The following LDAH variants were observed in gnomAD, a reference collection of about 807,000 sequenced individuals.
LDAH encodes the protein lipid droplet-associated hydrolase.
LDAH carries 26 observed loss-of-function variants against 29.6 expected under a neutral mutation model. The observed-to-expected ratio is 0.88, with a 90% CI of 0.64 to 1.22. The LOEUF is 1.22. Among genes scored for constraint, LDAH ranks in the 50% most tolerant of loss-of-function variants. LDAH has a pLI of 0.00. For missense variants in LDAH, 344 were observed against 387.3 expected, an observed-to-expected ratio of 0.89 and a Z score of 0.94; for synonymous variants, 117 against 133.0, an observed-to-expected ratio of 0.88 and a Z score of 0.83.
intron 1 of LDAH, among the ~76,000 whole-genome samples, chr2:20,801,808 T>C (rs1389656231): frequency 6.6e-6 from 1 of 152,088 alleles, no homozygotes; most frequent in African/African-American, 2.4e-5. Flanking sequence ...TACCTTCACC[T>C]GGTGAGAAAG....
At chr2:20,794,194 T>G (rs1459090666) in intron 2 of LDAH, among the ~76,000 whole-genome samples, 1 of 152,104 alleles carries the variant, frequency 6.6e-6, no homozygotes, top group African/African-American at 2.4e-5. Context: ...CTCCTCTTTA[T>G]AAAACCATCA....
chr2:20,710,582 A>AGG lies in LDAH; in HGVS notation c.704-8932_704-8931dup, dbSNP rs1209852954. 7.7e-3 allele frequency among the ~76,000 whole-genome samples: 986 copies of AGG among 127,918 alleles called. 15 individuals carry two copies. Among genetic ancestry groups the AGG allele is most frequent in the African/African-American group, 0.027 (957 of 34,908 alleles). The allele number at this position is 127,918 out of a possible 152,430, so 83.9% of individuals were successfully genotyped here. On this transcript the variant is annotated intron_variant, in intron 5 of 6. Transcript: ENST00000237822. ...GACTCACCCCGGACTATATATATAT[A>AGG]GGGGTGTGTGTGTGTGTGTGTGTGT...
At chr2:20,805,196 C>A (rs555966276) in intron 1 of LDAH, among the ~76,000 whole-genome samples, 10 of 152,150 alleles carry the variant, frequency 6.6e-5, no homozygotes, top group Non-Finnish European at 1.5e-4. Flanking sequence ...AGTGAGAATT[C>A]AACTAGATAT....
intron 4 of LDAH, among the ~76,000 whole-genome samples, chr2:20,752,621 G>A (rs918046853): frequency 1.4e-5 from 2 of 147,612 alleles, no homozygotes; most frequent in African/African-American, 2.5e-5. Context: ...CTGAAATAGC[G>A]ATCAAGTGTC....
chr2:20,775,776 T>G (rs1474336860), intron 3 of LDAH, among the ~76,000 whole-genome samples: 1 of 152,190 alleles, frequency 6.6e-6, no homozygotes, highest in East Asian at 1.9e-4. Flanking sequence ...ATGAGCTCTC[T>G]TCTGTGCTTA....
At chr2:20,781,203 T>C (rs575522465) in intron 3 of LDAH, among the ~76,000 whole-genome samples, 157 of 152,262 alleles carry the variant, frequency 1.0e-3, no homozygotes, top group Non-Finnish European at 1.9e-3. Flanking sequence ...CAGAAAACAG[T>C]TTATACTCCT....
chr2:20,727,318 G>A (rs1183749423), intron 5 of LDAH, among the ~76,000 whole-genome samples: 5 of 152,140 alleles, frequency 3.3e-5, no homozygotes, highest in African/African-American at 1.2e-4. Flanking sequence ...GTCTGGTTTC[G>A]TCTTACTCAA....
intron 5 of LDAH, among the ~76,000 whole-genome samples, chr2:20,707,383 TG>T (rs1386685694): frequency 6.6e-6 from 1 of 152,248 alleles, no homozygotes; most frequent in African/African-American, 2.4e-5. Context: ...CCCTGCCTAG[TG>T]TGCAATGCCC....
intron 6 of LDAH, among the ~76,000 whole-genome samples, chr2:20,687,540 G>T (rs952706556): frequency 1.3e-5 from 2 of 152,220 alleles, no homozygotes; most frequent in African/African-American, 4.8e-5. Flanking sequence ...TACAAACACA[G>T]ATCAGATAGA....
intron 4 of LDAH, among the ~76,000 whole-genome samples, chr2:20,766,536 T>G (rs150334646): frequency 6.6e-6 from 1 of 152,356 alleles, no homozygotes; most frequent in African/African-American, 2.4e-5. Context: ...TCAAAGGATT[T>G]GTATCATGAG....
At chr2:20,776,357 C>T (rs1485028648) in intron 3 of LDAH, among the ~76,000 whole-genome samples, 1 of 152,240 alleles carries the variant, frequency 6.6e-6, no homozygotes, top group Non-Finnish European at 1.5e-5. Flanking sequence ...AGTAAAGTGG[C>T]TCTCTTTTCA....
chr2:20,818,803 A>G (rs941945627), intron 1 of LDAH, among the ~76,000 whole-genome samples: 20 of 152,302 alleles, frequency 1.3e-4, no homozygotes, highest in African/African-American at 4.8e-4. Context: ...AAGAATCCAA[A>G]AAACAAACTG....
At chr2:20,694,010 C>T (rs2149337275) in intron 6 of LDAH, among the ~76,000 whole-genome samples, 1 of 152,354 alleles carries the variant, frequency 6.6e-6, no homozygotes, top group East Asian at 1.9e-4. Flanking sequence ...GGTTTTCTTT[C>T]CTTCTTTGAA....
chr2:20,699,570 G>C (rs1663764488), intron 6 of LDAH, among the ~76,000 whole-genome samples: 1 of 152,068 alleles, frequency 6.6e-6, no homozygotes, highest in African/African-American at 2.4e-5. Context: ...GAATTTTGCT[G>C]GTAGAAAGGA....
Position 20,801,459 on chromosome 2 carries a change from T to A in LDAH, c.5A>T (p.Asp2Val). ...AGGAATTTCTTCCTTGAGTTCTGAG[T>A]CCATTTCTAAATAAGGGGAGAAAAG... M[D>V]SELKEEIPVH... The change falls in exon 2 of 7, where the codon GAC (aspartate) becomes GTC (valine). Residue 2 changes from aspartate to valine, a missense_variant. Physicochemically the swap from Asp to Val is radical, Grantham distance 152 (BLOSUM62 -3). Coordinates refer to ENST00000237822, the MANE Select transcript of LDAH (RefSeq NM_021925.4). 6.2e-7 allele frequency: 1 copy of A among 1,613,658 alleles called. No homozygotes were observed. Among genetic ancestry groups the A allele is most frequent in the East Asian group, 2.2e-5 (1 of 44,874 alleles).
chr2:20,793,292 G>T (rs1367490197), intron 2 of LDAH, among the ~76,000 whole-genome samples: 1 of 152,086 alleles, frequency 6.6e-6, no homozygotes, highest in Non-Finnish European at 1.5e-5. Context: ...GTGAAAAAAA[G>T]GTCTGAGGAG....
At chr2:20,697,543 A>G (rs1233350760) in intron 6 of LDAH, among the ~76,000 whole-genome samples, 1 of 152,174 alleles carries the variant, frequency 6.6e-6, no homozygotes, top group Admixed American at 6.5e-5. Context: ...GTCAATCCCT[A>G]TATCACATGG....
At chr2:20,760,380 A>G (rs776390917) in intron 4 of LDAH, among the ~76,000 whole-genome samples, 2 of 152,206 alleles carry the variant, frequency 1.3e-5, no homozygotes, top group African/African-American at 4.8e-5. Context: ...TATGTAATAA[A>G]TTACTAAAAC....
At chr2:20,807,070 T>C (rs1315402120) in intron 1 of LDAH, among the ~76,000 whole-genome samples, 1 of 151,736 alleles carries the variant, frequency 6.6e-6, no homozygotes, top group African/African-American at 2.4e-5. Context: ...TCAATCAATA[T>C]CAGAAGTGAA....
Sources: allele counts gnomAD v4.1 joint callset (sites outside exome capture counted in the v4.1 genomes callset), GRCh38; gene constraint gnomAD v4.1.1; transcripts MANE v1.5; gene names NCBI Gene and HGNC (gene_info 2026-07-23, HGNC 2026-07-21).